The following PLEKHM3 variants were observed in gnomAD, a reference collection of about 807,000 sequenced individuals.
PLEKHM3 encodes pleckstrin homology domain-containing family M member 3.
A neutral mutation model predicts 81.8 loss-of-function variants in PLEKHM3; 45 were observed. The ratio of observed to expected loss-of-function variants is 0.55; its 90% CI spans 0.43 to 0.71. The LOEUF (loss-of-function observed/expected upper bound fraction) is 0.71. Among genes scored for constraint, PLEKHM3 ranks in the 30% least tolerant of loss-of-function variants. The pLI is 0.00. For synonymous variants in PLEKHM3, 352 were observed against 356.4 expected (o/e 0.99, Z 0.14); for missense variants, 788 against 924.3 (o/e 0.85, Z 1.91).
intron 6 of PLEKHM3, among the ~76,000 whole-genome samples, chr2:207,888,603 T>G (rs1687956059): frequency 1.3e-5 from 2 of 152,000 alleles, no homozygotes; most frequent in Non-Finnish European, 2.9e-5. Context: ...ACCATGTTGG[T>G]CAGGTTGGTC....
At chr2:207,909,749 C>G (rs1688752878) in intron 5 of PLEKHM3, among the ~76,000 whole-genome samples, 1 of 152,096 alleles carries the variant, frequency 6.6e-6, no homozygotes, top group Non-Finnish European at 1.5e-5. Flanking sequence ...TTAAAGAAAA[C>G]AAAACAAAAA....
Position 208,001,791 on chromosome 2 carries a change from A to C in PLEKHM3, c.-152T>G. The C allele has an allele frequency of 1.6e-6, 2 of 1,280,692 alleles. No individual in the cohort carries two copies. Among genetic ancestry groups the C allele is most frequent in the Non-Finnish European group, 2.1e-6 (2 of 944,782 alleles). 79.3% of individuals were successfully genotyped at this position (1,280,692 alleles called of 1,614,324 possible). On this transcript the variant is annotated 5_prime_UTR_variant, in exon 2 of 8. Coordinates refer to ENST00000427836, the MANE Select transcript of PLEKHM3 (RefSeq NM_001080475.3). ...GGCTCCCTGGAGCAGGCCAAACCCA[A>C]AGTGGTTGATGTTTTCCTGGTAATT...
At chr2:207,891,068 G>A (rs1219816436) in intron 6 of PLEKHM3, among the ~76,000 whole-genome samples, 1 of 152,200 alleles carries the variant, frequency 6.6e-6, no homozygotes, top group Non-Finnish European at 1.5e-5. Flanking sequence ...AAAAAGATTA[G>A]TAGTGGTGGT....
Position 207,986,555 on chromosome 2 carries a change from G to A in PLEKHM3, c.611-8969C>T, listed in dbSNP as rs141694228. Among the ~76,000 whole-genome samples the A allele has an allele frequency of 5.2e-4, 79 of 152,286 alleles. No homozygotes were observed. The Middle Eastern group carries it at 0.014, about 26-fold the overall frequency. ...CCCACATTTATGGAGCACCAACTAC[G>A]TGCAAAGCAGGGCACTAAGCTTTGT... On this transcript the variant is annotated intron_variant, in intron 2 of 7. Transcript: ENST00000427836.
At chr2:207,998,305 A>G (rs1404465896) in intron 2 of PLEKHM3, among the ~76,000 whole-genome samples, 2 of 152,152 alleles carry the variant, frequency 1.3e-5, no homozygotes, top group Non-Finnish European at 2.9e-5. Flanking sequence ...GGAGTTTGAG[A>G]CCAGCCTGGG....
intron 3 of PLEKHM3, among the ~76,000 whole-genome samples, chr2:207,958,689 C>T (rs1314496719): frequency 6.6e-6 from 1 of 152,144 alleles, no homozygotes; most frequent in Non-Finnish European, 1.5e-5. Flanking sequence ...GTGGGCGGAC[C>T]ACCTAAGGTC....
At chr2:207,964,244 C>T (rs1222866078) in intron 3 of PLEKHM3, among the ~76,000 whole-genome samples, 1 of 151,892 alleles carries the variant, frequency 6.6e-6, no homozygotes, top group Non-Finnish European at 1.5e-5. Flanking sequence ...ATGGGCTAAA[C>T]CATTGTTTCT....
intron 5 of PLEKHM3, among the ~76,000 whole-genome samples, chr2:207,919,971 C>T (rs1380162576): frequency 3.3e-5 from 5 of 152,110 alleles, no homozygotes; most frequent in African/African-American, 1.2e-4. Flanking sequence ...CACACACGCA[C>T]ACACACATTT....
At chr2:207,995,654 T>C (rs1692096480) in intron 2 of PLEKHM3, among the ~76,000 whole-genome samples, 1 of 152,204 alleles carries the variant, frequency 6.6e-6, no homozygotes, top group African/African-American at 2.4e-5. Context: ...TGTCACAGGA[T>C]AAGCTGCTAC....
At chr2:207,898,711 A>G (rs1383355775) in intron 6 of PLEKHM3, among the ~76,000 whole-genome samples, 1 of 151,982 alleles carries the variant, frequency 6.6e-6, no homozygotes, top group East Asian at 1.9e-4. Context: ...TGAGCAACAT[A>G]GGGAGACTCC....
intron 3 of PLEKHM3, among the ~76,000 whole-genome samples, chr2:207,948,668 C>T (rs906076488): frequency 6.6e-6 from 1 of 152,022 alleles, no homozygotes; most frequent in African/African-American, 2.4e-5. Context: ...CTCAGCCTCC[C>T]GAGGAGCTGG....
chr2:207,943,070 A>C (rs1353791581), intron 4 of PLEKHM3, among the ~76,000 whole-genome samples: 1 of 152,184 alleles, frequency 6.6e-6, no homozygotes, highest in African/African-American at 2.4e-5. Flanking sequence ...AAGGTTGGTT[A>C]ATGGGTATAA....
At chr2:207,962,646 T>C (rs532716859) in intron 3 of PLEKHM3, among the ~76,000 whole-genome samples, 1 of 152,304 alleles carries the variant, frequency 6.6e-6, no homozygotes, top group East Asian at 1.9e-4. Flanking sequence ...AGCAGTCTTG[T>C]AGAGGGCTGA....
At chr2:207,951,176 T>C (rs1443180538) in intron 3 of PLEKHM3, among the ~76,000 whole-genome samples, 1 of 152,194 alleles carries the variant, frequency 6.6e-6, no homozygotes, top group Non-Finnish European at 1.5e-5. Context: ...GTGGGGTTTT[T>C]AACAGGGAAA....
At chr2:208,000,947 T>C in intron 2 of PLEKHM3, 83 bp downstream of exon 2, 2 of 1,230,076 alleles carry the variant, frequency 1.6e-6, no homozygotes, top group East Asian at 2.6e-5. Context: ...AGAAGTCAGA[T>C]ATAAAAACAT....
At chr2:207,859,225 G>A (rs919865634) in intron 7 of PLEKHM3, among the ~76,000 whole-genome samples, 22 of 137,468 alleles carry the variant, frequency 1.6e-4, no homozygotes, top group African/African-American at 5.6e-4. Flanking sequence ...CGCAACCTCC[G>A]CCTCCCTGGT....
At chr2:207,865,801 A>AAAAAAAAAAATATATAT in intron 6 of PLEKHM3, among the ~76,000 whole-genome samples, 4 of 25,290 alleles carry the variant, frequency 1.6e-4, no homozygotes, top group African/African-American at 8.3e-4. Flanking sequence ...AAAAAAAAAA[A>AAAAAAAAAAATATATAT]AGATATATAT....
At chr2:207,882,146 AT>A (rs2092594800) in intron 6 of PLEKHM3, among the ~76,000 whole-genome samples, 1 of 152,218 alleles carries the variant, frequency 6.6e-6, no homozygotes, top group Non-Finnish European at 1.5e-5. Flanking sequence ...CCAGTAACAT[AT>A]TTTAGTCATT....
chr2:207,990,856 A>G (rs1486524929), intron 2 of PLEKHM3, among the ~76,000 whole-genome samples: 15 of 152,116 alleles, frequency 9.9e-5, no homozygotes, highest in Non-Finnish European at 2.1e-4. Flanking sequence ...TATTCCATTC[A>G]TTTTCCCTTC....
Sources: gnomAD v4.1 joint callset for allele counts (sites outside exome capture counted in the v4.1 genomes callset) on GRCh38, gnomAD v4.1.1 for gene constraint, MANE v1.5 for transcripts, NCBI Gene and HGNC (gene_info 2026-07-23, HGNC 2026-07-21) for gene names.